The following MCPH1 variants were observed in gnomAD, a reference collection of about 807,000 sequenced individuals.
MCPH1 encodes microcephalin.
In MCPH1, 104 loss-of-function variants were observed where a neutral mutation model predicts 84.5. That is an observed-to-expected ratio of 1.23 (90% CI 1.05 to 1.45). The LOEUF (loss-of-function observed/expected upper bound fraction) is 1.45. MCPH1 is among the 40% of genes most tolerant of loss of function. The pLI is 0.00. For missense variants in MCPH1, 1,498 were observed against 1,005.7 expected, an observed-to-expected ratio of 1.49 and a Z score of -6.62; for synonymous variants, 514 against 366.8, an observed-to-expected ratio of 1.40 and a Z score of -4.58.
chr8:6,619,601 T>G (rs1371054802), intron 12 of MCPH1, among the ~76,000 whole-genome samples: 2 of 151,190 alleles, frequency 1.3e-5, no homozygotes, highest in Non-Finnish European at 2.9e-5. Context: ...TTTTTTTTCT[T>G]TAGATAGAGT....
intron 3 of MCPH1, among the ~76,000 whole-genome samples, chr8:6,424,800 G>C (rs1800813220): frequency 6.6e-6 from 1 of 152,232 alleles, no homozygotes; most frequent in African/African-American, 2.4e-5. Flanking sequence ...TGCTGGCAGA[G>C]CACTGTTGTG....
At chr8:6,504,922 A>G (rs1416868176) in intron 12 of MCPH1, among the ~76,000 whole-genome samples, 3 of 151,958 alleles carry the variant, frequency 2.0e-5, no homozygotes, top group South Asian at 4.2e-4. Context: ...GACTGCTGTA[A>G]CCTTGATTTT....
chr8:6,476,344 G>A (rs907336009), intron 9 of MCPH1, among the ~76,000 whole-genome samples: 5 of 150,394 alleles, frequency 3.3e-5, no homozygotes, highest in Non-Finnish European at 5.9e-5. Context: ...CATGAGAATT[G>A]CTTGAACCCG....
At chr8:6,601,466 G>A (rs968812415) in intron 12 of MCPH1, among the ~76,000 whole-genome samples, 4 of 151,608 alleles carry the variant, frequency 2.6e-5, no homozygotes, top group East Asian at 1.9e-4. Context: ...GGAGCCGGAC[G>A]TCTGTGGCGA....
At chr8:6,621,831 G>T (rs986267877) in intron 13 of MCPH1, 140 bp downstream of exon 13, 1 of 1,145,414 alleles carries the variant, frequency 8.7e-7, no homozygotes, top group East Asian at 2.4e-5. Flanking sequence ...CATCTGCCCT[G>T]GCAGCGTCGT....
chr8:6,444,631 A>G lies in MCPH1; in HGVS notation c.909A>G (p.Gln303=). Residue 303 remains glutamine (Q), a synonymous_variant, in exon 8 of 14, where the codon CAA becomes CAG. Transcript: ENST00000344683. ...SNLSKEEINL[Q]RNIAGKVVTP... Reference sequence around the variant, plus strand: ...TTTCAAAGGAAGAAATAAACTTGCAAAGAAATATTGCAGGTAAAGTAGTCA... The same window carrying G: ...TTTCAAAGGAAGAAATAAACTTGCAGAGAAATATTGCAGGTAAAGTAGTCA... 6.2e-7 allele frequency: 1 copy of G among 1,613,972 alleles called. No homozygotes were observed. Among genetic ancestry groups the G allele is most frequent in the Non-Finnish European group, 8.5e-7 (1 of 1,180,032 alleles).
At chr8:6,407,791 A>G (rs57751039) in intron 1 of MCPH1, among the ~76,000 whole-genome samples, 10,629 of 152,182 alleles carry the variant, frequency 0.07, 840 homozygotes, top group East Asian at 0.26. Flanking sequence ...ACAGGGGTCC[A>G]CTCACTATGC....
At position 6,527,693 on chromosome 8, in the gene MCPH1, G is replaced by A. The variant is rs765498621; in HGVS notation, c.2214+27764G>A. The A allele has an allele frequency of 8.2e-6, 13 of 1,587,872 alleles. No individual in the cohort carries two copies. In the African/African-American group the frequency reaches 1.2e-4, roughly 15 times the overall value. On this transcript the variant is annotated intron_variant, in intron 12 of 13. Coordinates refer to ENST00000344683, the MANE Select transcript of MCPH1 (RefSeq NM_024596.5). ...ATTTAATACCTAAATGTAACAAAAT[G>A]AAGTTCCTATTAATTATTTTTTAAT...
chr8:6,616,654 C>G (rs1015138147), intron 12 of MCPH1: 5 of 152,270 alleles, frequency 3.3e-5, no homozygotes, highest in African/African-American at 1.2e-4. Context: ...TGGCTTCTGC[C>G]ACTGCCTCCT....
chr8:6,523,360 T>C (rs1302206718), intron 12 of MCPH1, among the ~76,000 whole-genome samples: 1 of 152,186 alleles, frequency 6.6e-6, no homozygotes, highest in African/African-American at 2.4e-5. Context: ...CCTAAGATAC[T>C]TTATTAATGG....
intron 12 of MCPH1, among the ~76,000 whole-genome samples, chr8:6,614,147 G>A (rs183972353): frequency 6.6e-6 from 1 of 152,274 alleles, no homozygotes; most frequent in East Asian, 1.9e-4. Flanking sequence ...AAAATGTTTT[G>A]TTTTTCCAAA....
At chr8:6,429,015 C>T (rs115334359) in intron 3 of MCPH1, among the ~76,000 whole-genome samples, 264 of 152,314 alleles carry the variant, frequency 1.7e-3, no homozygotes, top group African/African-American at 6.1e-3. Context: ...TAATCCGCCC[C>T]TCTGAGTGCA....
chr8:6,632,077 A>G (rs1227398996), intron 13 of MCPH1, among the ~76,000 whole-genome samples: 1 of 152,270 alleles, frequency 6.6e-6, no homozygotes, highest in Non-Finnish European at 1.5e-5. Flanking sequence ...GAAATAAGCC[A>G]GAAACCAAAG....
At chr8:6,415,434 A>G (rs562348142) in intron 3 of MCPH1, among the ~76,000 whole-genome samples, 13 of 151,572 alleles carry the variant, frequency 8.6e-5, no homozygotes, top group Non-Finnish European at 1.8e-4. Flanking sequence ...ATTCATCTCA[A>G]CCTTTGCCTC....
chr8:6,433,692 C>T (rs1314467981), intron 4 of MCPH1, among the ~76,000 whole-genome samples: 1 of 146,664 alleles, frequency 6.8e-6, no homozygotes, highest in Non-Finnish European at 1.5e-5. Flanking sequence ...TTGGATGTTA[C>T]TAATCTTTTT....
intron 12 of MCPH1, among the ~76,000 whole-genome samples, chr8:6,609,863 A>AG (rs1158641093): frequency 2.1e-5 from 3 of 142,808 alleles, no homozygotes; most frequent in African/African-American, 7.7e-5. Flanking sequence ...ACAGAGGGTG[A>AG]GGGGGGTGCA....
intron 10 of MCPH1, among the ~76,000 whole-genome samples, chr8:6,479,336 C>T (rs1315604658): frequency 6.6e-6 from 1 of 151,988 alleles, no homozygotes; most frequent in Non-Finnish European, 1.5e-5. Context: ...TCTGTATAAG[C>T]ATAGACAATA....
chr8:6,550,217 C>T (rs929595734), intron 12 of MCPH1, among the ~76,000 whole-genome samples: 4 of 152,230 alleles, frequency 2.6e-5, no homozygotes, highest in Non-Finnish European at 4.4e-5. Context: ...CACTGGCTAC[C>T]GCTAGGTGGC....
chr8:6,623,688 CAAAAAAAAAAAA>C (rs377522481), intron 13 of MCPH1, among the ~76,000 whole-genome samples: 39 of 92,424 alleles, frequency 4.2e-4, no homozygotes, highest in African/African-American at 5.5e-4. Context: ...AACCAACTTC[CAAAAAAAAAAAA>C]AAAAAAAAAA....
Sources: allele counts gnomAD v4.1 joint callset (sites outside exome capture counted in the v4.1 genomes callset), GRCh38; gene constraint gnomAD v4.1.1; transcripts MANE v1.5; gene names NCBI Gene and HGNC (gene_info 2026-07-23, HGNC 2026-07-21).